DIS3L2: variants seen among roughly 807,000 people sequenced by gnomAD.
The protein encoded by DIS3L2 is DIS3-like exonuclease 2.
A neutral mutation model predicts 97.5 loss-of-function variants in DIS3L2; 34 were observed. That is an observed-to-expected ratio of 0.35 (90% CI 0.27 to 0.46). DIS3L2 has a LOEUF of 0.46. DIS3L2 is among the 20% of genes least tolerant of loss of function. The pLI, the probability that DIS3L2 is intolerant of heterozygous loss-of-function variation, is 1.00. For missense variants in DIS3L2, 1,038 were observed against 1,146.0 expected (o/e 0.91, Z 1.36); for synonymous variants, 435 against 445.2 (o/e 0.98, Z 0.29).
intron 10 of DIS3L2, among the ~76,000 whole-genome samples, chr2:232,230,158 C>T (rs78198962): frequency 0.022 from 3,315 of 152,268 alleles, 48 homozygotes; most frequent in Non-Finnish European, 0.032. Context: ...AAGATGCCAG[C>T]GTTTGAGTTG....
intron 13 of DIS3L2, among the ~76,000 whole-genome samples, chr2:232,290,256 T>G (rs1488387542): frequency 6.6e-6 from 1 of 152,256 alleles, no homozygotes; most frequent in East Asian, 1.9e-4. Context: ...CATCATGCTT[T>G]GTATTCACTG....
At chr2:232,187,309 A>T (rs1161232037) in intron 9 of DIS3L2, among the ~76,000 whole-genome samples, 1 of 152,208 alleles carries the variant, frequency 6.6e-6, no homozygotes, top group East Asian at 1.9e-4. Context: ...TGCTGGTGAG[A>T]ATGTAAAATG....
intron 8 of DIS3L2, among the ~76,000 whole-genome samples, chr2:232,159,586 A>G (rs936663205): frequency 5.9e-5 from 9 of 152,190 alleles, no homozygotes; most frequent in Non-Finnish European, 8.8e-5. Flanking sequence ...GCAACGTGCA[A>G]TTCTTCCTTT....
chr2:232,214,498 T>C (rs1298956332), intron 10 of DIS3L2, among the ~76,000 whole-genome samples: 1 of 152,186 alleles, frequency 6.6e-6, no homozygotes, highest in Admixed American at 6.5e-5. Context: ...ATAACAGTTA[T>C]CATGTGTCTT....
intron 6 of DIS3L2, among the ~76,000 whole-genome samples, chr2:232,094,718 CAAA>C (rs59253625): frequency 2.7e-5 from 3 of 111,508 alleles, no homozygotes; most frequent in Non-Finnish European, 3.5e-5. Flanking sequence ...GACTCCATCT[CAAA>C]AAAAAAAAAA....
At position 232,160,762 on chromosome 2, in the gene DIS3L2, G is replaced by A. The variant is rs564897053; in HGVS notation, c.951-2697G>A. On this transcript the variant is annotated intron_variant, in intron 8 of 20. Coordinates refer to ENST00000325385, the MANE Select transcript of DIS3L2 (RefSeq NM_152383.5). ...CCTCAGCTACTCAGGAGGCTGAGGT[G>A]GGAGTATTGCTTGAGCCTGGGAAGT... is the stretch of plus-strand genomic sequence containing the variant. 7.9e-5 allele frequency among the ~76,000 whole-genome samples: 12 copies of A among 152,156 alleles called. No individual in the cohort carries two copies. In the South Asian group the frequency reaches 2.3e-3, roughly 29 times the overall value.
chr2:232,172,854 A>G, intron 9 of DIS3L2: 1 of 495,330 alleles, frequency 2.0e-6, no homozygotes, highest in Admixed American at 2.2e-5. Context: ...TTTGATTTGC[A>G]TTTCTGTCAT....
At chr2:232,170,895 A>G (rs1412323344) in intron 9 of DIS3L2, among the ~76,000 whole-genome samples, 1 of 152,226 alleles carries the variant, frequency 6.6e-6, no homozygotes, top group Non-Finnish European at 1.5e-5. Flanking sequence ...AAGGAGAGTC[A>G]TATAATACTA....
intron 12 of DIS3L2, among the ~76,000 whole-genome samples, chr2:232,256,375 A>C (rs1693562612): frequency 6.6e-6 from 1 of 151,956 alleles, no homozygotes; most frequent in East Asian, 1.9e-4. Flanking sequence ...GAGTTTCCCC[A>C]CCTGCCATCT....
intron 13 of DIS3L2, among the ~76,000 whole-genome samples, chr2:232,288,647 G>C (rs533280269): frequency 6.6e-6 from 1 of 152,320 alleles, no homozygotes; most frequent in South Asian, 2.1e-4. Context: ...AGATCATTCT[G>C]TTCTCTGCTG....
In DIS3L2 at chr2:232,342,366, G is replaced by A. The variant is rs548370420; in HGVS notation, c.1582-979G>A. On this transcript the variant is annotated intron_variant, in intron 13 of 13. Coordinates refer to the DIS3L2 transcript ENST00000273009. The stretch of plus-strand genomic sequence containing the variant: ...AGAAGTATCTTATTTAGCAACAGTG[G>A]TAAATAGTAAAACACCAAGAGAGAG... Among the ~76,000 whole-genome samples the A allele has an allele frequency of 3.9e-5, 6 of 152,072 alleles. No homozygotes were observed. In the South Asian group the frequency reaches 1.2e-3, roughly 32 times the overall value.
At chr2:231,981,630 A>ATG (rs1316246624) in intron 1 of DIS3L2, among the ~76,000 whole-genome samples, 1 of 141,722 alleles carries the variant, frequency 7.1e-6, no homozygotes, top group Admixed American at 7.1e-5. Context: ...ATATATATAT[A>ATG]TATATATGAG....
intron 5 of DIS3L2, among the ~76,000 whole-genome samples, chr2:232,045,073 C>T (rs1035491372): frequency 6.6e-6 from 1 of 152,014 alleles, no homozygotes; most frequent in Non-Finnish European, 1.5e-5. Flanking sequence ...TCCTGGGTGT[C>T]ATGGGAGTGT....
chr2:232,251,783 G>A (rs1014704620), intron 12 of DIS3L2, among the ~76,000 whole-genome samples: 1 of 152,194 alleles, frequency 6.6e-6, no homozygotes, highest in African/African-American at 2.4e-5. Context: ...TCTAATTTCT[G>A]AAGAACTGTG....
intron 10 of DIS3L2, among the ~76,000 whole-genome samples, chr2:232,213,106 G>A (rs1043488514): frequency 9.2e-5 from 14 of 152,262 alleles, no homozygotes; most frequent in Non-Finnish European, 4.4e-5. Context: ...CAAAGAGCCC[G>A]GGAGGAGAGG....
intron 10 of DIS3L2, among the ~76,000 whole-genome samples, chr2:232,233,726 G>A (rs1692858559): frequency 6.6e-6 from 1 of 152,252 alleles, no homozygotes; most frequent in Non-Finnish European, 1.5e-5. Context: ...CCCTGGTTGT[G>A]CTCATTCCTG....
In DIS3L2 at chr2:232,263,455, T is replaced by A; in HGVS notation, c.1659+15T>A. On this transcript the variant is annotated intron_variant, in intron 13 of 20. Transcript: ENST00000325385. ...GTTTGGATCAGGTCAGTACGTGTTT[T>A]TTTAGTGTAGCCAACAGATTTGACT... 1 of 1,613,776 alleles carries A rather than the reference T, an allele frequency of 6.2e-7. No homozygotes were observed. The highest frequency in any genetic ancestry group is 8.5e-7 in the Non-Finnish European group (1 of 1,179,772).
Position 232,250,443 on chromosome 2 carries a change from C to T in DIS3L2, c.1425+1097C>T, listed in dbSNP as rs149689229. ...GTAGCAGATGGATGAGTGTAACTGACTTAGCAGTCCTGAGAAAGCTGAATC... is the reference window on the plus strand; with the variant it reads ...GTAGCAGATGGATGAGTGTAACTGATTTAGCAGTCCTGAGAAAGCTGAATC... On this transcript the variant is annotated intron_variant, in intron 12 of 20. Coordinates refer to ENST00000325385, the MANE Select transcript of DIS3L2 (RefSeq NM_152383.5). Among the ~76,000 whole-genome samples, 810 of 151,892 alleles carry T rather than the reference C, an allele frequency of 5.3e-3. 10 individuals carry two copies. The highest frequency in any genetic ancestry group is 0.018 in the African/African-American group (749 of 41,376).
At chr2:232,263,981 G>T (rs554445652) in intron 13 of DIS3L2, among the ~76,000 whole-genome samples, 1 of 152,184 alleles carries the variant, frequency 6.6e-6, no homozygotes, top group Non-Finnish European at 1.5e-5. Context: ...GTAGAACAGC[G>T]GTCCCATTGT....
Sources: gnomAD v4.1 joint callset for allele counts (sites outside exome capture counted in the v4.1 genomes callset) on GRCh38, gnomAD v4.1.1 for gene constraint, MANE v1.5 for transcripts, NCBI Gene and HGNC (gene_info 2026-07-23, HGNC 2026-07-21) for gene names.